VEGFB: variants seen among roughly 807,000 people sequenced by gnomAD.
The protein encoded by VEGFB is vascular endothelial growth factor B.
Under a neutral mutation model 22.5 loss-of-function variants are expected in VEGFB, and 24 were observed. The observed-to-expected ratio is 1.07, with a 90% CI of 0.77 to 1.50. The LOEUF (loss-of-function observed/expected upper bound fraction) is 1.50. Among genes scored for constraint, VEGFB ranks in the 40% most tolerant of loss-of-function variants. The pLI is 0.00. For synonymous variants in VEGFB, 141 were observed against 117.4 expected, an observed-to-expected ratio of 1.20 and a Z score of -1.30; for missense variants, 327 against 287.8, an observed-to-expected ratio of 1.14 and a Z score of -0.99.
intron 4 of VEGFB, 57 bp downstream of exon 4, chr11:64,236,384 T>C: frequency 6.4e-7 from 1 of 1,555,748 alleles, no homozygotes; most frequent in African/African-American, 1.4e-5. Flanking sequence ...GGGTGCTGGG[T>C]ATGGTGGTCC....
rs769419255 is a variant in VEGFB, at chr11:64,237,541, G to A, written c.532G>A (p.Ala178Thr). The A allele has an allele frequency of 4.5e-5, 72 of 1,608,098 alleles. No individual in the cohort carries two copies. The highest frequency in any genetic ancestry group is 1.6e-4 in the Middle Eastern group (1 of 6,078). Reference sequence around the variant, plus strand: ...TCCAGCCCCAGGCCCCTCTGCCCACGCTGCACCCAGCACCACCAGCGCCCT... The same window carrying A: ...TCCAGCCCCAGGCCCCTCTGCCCACACTGCACCCAGCACCACCAGCGCCCT... ...PTPAPGPSAHAAPSTTSALTP... is the reference protein window; with the variant it reads ...PTPAPGPSAHTAPSTTSALTP... The change falls in exon 6 of 7, where the codon GCT becomes ACT. Residue 178 changes from alanine (A) to threonine (T), a missense_variant. Transcript: ENST00000309422.
intron 4 of VEGFB, 103 bp from the exon 5 acceptor site, chr11:64,237,082 TCA>T (rs2030113991): frequency 1.6e-6 from 1 of 616,658 alleles, no homozygotes; most frequent in African/African-American, 3.4e-5. Context: ...AAACACAGTC[TCA>T]AAGAGAGAGA....
In VEGFB at chr11:64,235,814, G is replaced by A; in HGVS notation, c.105G>A (p.Val35=). Residue 35 remains valine (V), a splice_region_variant and synonymous_variant, in exon 3 of 7, where the codon GTG becomes GTA. Transcript: ENST00000309422. ...TAACCCCTACCGGTCTGCTCCCAGT[G>A]GTGTCATGGATAGATGTGTATACTC... ...QPDAPGHQRK[V]VSWIDVYTRA... 6.2e-7 allele frequency: 1 copy of A among 1,613,810 alleles called. No homozygotes were observed. The highest frequency in any genetic ancestry group is 1.7e-5 in the Admixed American group (1 of 60,020).
At chr11:64,237,028 A>AGCCGAGAC in intron 4 of VEGFB, 159 bp from the exon 5 acceptor site, 1 of 539,018 alleles carries the variant, frequency 1.9e-6, no homozygotes, top group South Asian at 3.2e-5. Flanking sequence ...GGTTGCAGTG[A>AGCCGAGAC]GCCGAGACCA....
In VEGFB at chr11:64,238,393, A is replaced by G; in HGVS notation, c.*60A>G. The G allele has an allele frequency of 6.5e-7, 1 of 1,536,028 alleles. No homozygotes were observed. Among genetic ancestry groups the G allele is most frequent in the Non-Finnish European group, 8.7e-7 (1 of 1,146,854 alleles). On this transcript the variant is annotated 3_prime_UTR_variant, in exon 7 of 7. Transcript: ENST00000309422. Reference sequence around the variant, plus strand: ...GCGAAGGTGACACATGGCTTTTCAGACTCAGCAGGGTGACTTGCCTCAGAG... The same window carrying G: ...GCGAAGGTGACACATGGCTTTTCAGGCTCAGCAGGGTGACTTGCCTCAGAG...
At chr11:64,237,795 A>G (rs2030217849) in intron 6 of VEGFB, 140 bp downstream of exon 6, 2 of 789,360 alleles carry the variant, frequency 2.5e-6, no homozygotes. Flanking sequence ...TTTACCAAAC[A>G]GCTGCTGGCA....
intron 2 of VEGFB, 138 bp from the exon 3 acceptor site, chr11:64,235,675 C>T: frequency 8.0e-7 from 1 of 1,248,464 alleles, no homozygotes; most frequent in Non-Finnish European, 1.1e-6. Context: ...ATAAACAGGG[C>T]AGGGGAAGAC....
intron 3 of VEGFB, 42 bp downstream of exon 3, chr11:64,236,051 G>C (rs2029988139): frequency 6.5e-7 from 1 of 1,547,432 alleles, no homozygotes; most frequent in East Asian, 2.4e-5. Flanking sequence ...TGCAGGTACT[G>C]GGCAGGTGGG....
intron 5 of VEGFB, 51 bp downstream of exon 5, chr11:64,237,273 T>G: frequency 1.3e-6 from 2 of 1,561,328 alleles, no homozygotes; most frequent in South Asian, 2.2e-5. Flanking sequence ...TACAAGTGAG[T>G]CCAGAAGCTG....
chr11:64,236,336 C>T lies in VEGFB; in HGVS notation c.374+9C>T, dbSNP rs1289001409. 3 of 1,613,366 alleles carry T rather than the reference C, an allele frequency of 1.9e-6. No individual in the cohort carries two copies. Among genetic ancestry groups the T allele is most frequent in the African/African-American group, 2.7e-5 (2 of 74,908 alleles). The stretch of plus-strand genomic sequence containing the variant: ...AGCCAGTGTGAATGCAGGTGCCAGC[C>T]AGGCCCAACTTCTGAGCTCGCAGAG... On this transcript the variant is annotated intron_variant, in intron 4 of 6. Transcript: ENST00000309422.
intron 5 of VEGFB, 66 bp from the exon 6 acceptor site, chr11:64,237,354 G>A (rs890835843): frequency 6.6e-6 from 10 of 1,522,702 alleles, no homozygotes; most frequent in Non-Finnish European, 8.1e-6. Context: ...TGTGTTCTCT[G>A]CCCCGACCCC....
chr11:64,237,266 A>G, intron 5 of VEGFB, 44 bp downstream of exon 5: 1 of 1,575,584 alleles, frequency 6.3e-7, no homozygotes, highest in Non-Finnish European at 8.7e-7. Context: ...TGGGGAGTAC[A>G]AGTGAGTCCA....
At chr11:64,235,078 CCA>C (rs1163696531) in intron 1 of VEGFB, among the ~76,000 whole-genome samples, 185 bp downstream of exon 1, 1 of 152,052 alleles carries the variant, frequency 6.6e-6, no homozygotes, top group Non-Finnish European at 1.5e-5. Context: ...CCCGCCAGCC[CCA>C]GTCTGGGGCC....
chr11:64,237,835 C>G (rs1210296799), intron 6 of VEGFB, 180 bp downstream of exon 6: 1 of 593,062 alleles, frequency 1.7e-6, no homozygotes, highest in Non-Finnish European at 2.9e-6. Context: ...GTCCAACATT[C>G]TAACTCAGGA....
At chr11:64,237,901 T>C in intron 6 of VEGFB, 1 of 507,996 alleles carries the variant, frequency 2.0e-6, no homozygotes, top group Non-Finnish European at 3.5e-6. Context: ...TGGTGAGGGG[T>C]ACCTGGCCTC....
At position 64,237,618 on chromosome 11, in the gene VEGFB, C is replaced by T. The variant is rs1183444417; in HGVS notation, c.609C>T (p.Ala203=). The T allele has an allele frequency of 2.5e-6, 4 of 1,572,550 alleles. No homozygotes were observed. The African/African-American group carries it at 5.4e-5, about 21-fold the overall frequency. The change falls in exon 6 of 7, where the codon GCC becomes GCT. Residue 203 remains alanine, a synonymous_variant. Transcript: ENST00000309422. ...AAADAAASSV[A]KGGA is the part of the protein sequence containing the mutation. ...CCGACGCCGCAGCTTCCTCCGTTGC[C>T]AAGGGCGGGGCTTAGAGCTCAACCC...
At chr11:64,235,634 A>C (rs2029952834) in intron 2 of VEGFB, 134 bp downstream of exon 2, 1 of 1,271,678 alleles carries the variant, frequency 7.9e-7, no homozygotes, top group African/African-American at 1.5e-5. Flanking sequence ...ACAGAGGAGG[A>C]AATTGAGGCA....
intron 6 of VEGFB, among the ~76,000 whole-genome samples, chr11:64,238,065 A>G (rs1384743689): frequency 1.3e-5 from 2 of 152,190 alleles, no homozygotes; most frequent in Non-Finnish European, 2.9e-5. Context: ...GCCAGGGGAC[A>G]TAGTGGAACC....
intron 1 of VEGFB, 142 bp from the exon 2 acceptor site, chr11:64,235,316 A>G (rs2061461080): frequency 3.8e-6 from 3 of 792,086 alleles, no homozygotes; most frequent in African/African-American, 3.5e-5. Flanking sequence ...AAGCTAGAGC[A>G]GTGGCCGCAG....
Sources: allele counts gnomAD v4.1 joint callset (sites outside exome capture counted in the v4.1 genomes callset), GRCh38; gene constraint gnomAD v4.1.1; transcripts MANE v1.5; gene names NCBI Gene and HGNC (gene_info 2026-07-23, HGNC 2026-07-21).